CCDC150: variants seen among roughly 807,000 people sequenced by gnomAD.
The protein encoded by CCDC150 is coiled-coil domain containing 150, also known as coiled-coil domain-containing protein 150.
In CCDC150, 151 loss-of-function variants were observed where a neutral mutation model predicts 156.5. That is an observed-to-expected ratio of 0.97 (90% CI 0.85 to 1.10). The LOEUF (loss-of-function observed/expected upper bound fraction) is 1.10, where lower values mean the gene tolerates loss of function less well. CCDC150 is among the 50% of genes least tolerant of loss of function. The pLI is 0.00. For synonymous variants in CCDC150, 452 were observed against 429.4 expected, an observed-to-expected ratio of 1.05 and a Z score of -0.65; for missense variants, 1,312 against 1,268.1, an observed-to-expected ratio of 1.03 and a Z score of -0.53.
At chr2:196,715,919 C>G (rs1697465882) in intron 17 of CCDC150, among the ~76,000 whole-genome samples, 1 of 152,136 alleles carries the variant, frequency 6.6e-6, no homozygotes, top group South Asian at 2.1e-4. Flanking sequence ...AATGAAGAGA[C>G]AAGCTACAGA....
At chr2:196,675,374 C>G (rs1242454404) in intron 10 of CCDC150, among the ~76,000 whole-genome samples, 1 of 151,984 alleles carries the variant, frequency 6.6e-6, no homozygotes, top group Non-Finnish European at 1.5e-5. Flanking sequence ...ATATTTATTA[C>G]AAATATTTCA....
chr2:196,721,505 A>T lies in CCDC150; in HGVS notation c.2260-17A>T, dbSNP rs1479132841. ...TGTCCATTACAGTGGAATTGAAAAC[A>T]TGCTTCTCTCTTTCAGATTGAATCT... On this transcript the variant is annotated splice_polypyrimidine_tract_variant and intron_variant, in intron 20 of 27. Coordinates refer to ENST00000389175, the MANE Select transcript of CCDC150 (RefSeq NM_001080539.2). 8 of 1,582,502 alleles carry T rather than the reference A, an allele frequency of 5.1e-6. No individual in the cohort carries two copies. The African/African-American group carries it at 8.1e-5, about 16-fold the overall frequency.
chr2:196,687,393 G>T (rs1016874316), intron 13 of CCDC150, among the ~76,000 whole-genome samples: 1 of 152,182 alleles, frequency 6.6e-6, no homozygotes, highest in South Asian at 2.1e-4. Flanking sequence ...TTCTTCATAT[G>T]ATTCTTGGCC....
intron 13 of CCDC150, among the ~76,000 whole-genome samples, chr2:196,694,407 C>G (rs1323751341): frequency 6.6e-6 from 1 of 151,854 alleles, no homozygotes. Context: ...TAAGTAAATA[C>G]CAGAAGGACT....
chr2:196,721,774 A>C (rs1281564672), intron 21 of CCDC150, 83 bp downstream of exon 21: 3 of 1,132,874 alleles, frequency 2.6e-6, no homozygotes, highest in African/African-American at 1.6e-5. Flanking sequence ...TCATTCGCAT[A>C]AATCAGTTAA....
intron 14 of CCDC150, among the ~76,000 whole-genome samples, chr2:196,695,798 G>A (rs1410676910): frequency 1.4e-5 from 2 of 145,250 alleles, no homozygotes; most frequent in East Asian, 4.0e-4. Flanking sequence ...GCGACAGAGC[G>A]AGATTCCGTC....
chr2:196,685,122 T>C (rs1011606557), intron 13 of CCDC150, among the ~76,000 whole-genome samples: 3 of 152,150 alleles, frequency 2.0e-5, no homozygotes. Flanking sequence ...TTCCTCTATT[T>C]CTCAATTAGT....
intron 5 of CCDC150, among the ~76,000 whole-genome samples, chr2:196,659,479 T>C (rs376977732): frequency 6.6e-6 from 1 of 152,176 alleles, no homozygotes; most frequent in African/African-American, 2.4e-5. Flanking sequence ...TAATACAAAA[T>C]AGAGAAGTAG....
intron 27 of CCDC150, 136 bp downstream of exon 27, chr2:196,732,288 A>C: frequency 2.5e-6 from 3 of 1,187,970 alleles, no homozygotes; most frequent in Non-Finnish European, 3.6e-6. Context: ...TAGGAAACCA[A>C]TTAATTTCTT....
chr2:196,725,012 C>A (rs982513691), intron 21 of CCDC150, among the ~76,000 whole-genome samples: 1 of 152,152 alleles, frequency 6.6e-6, no homozygotes, highest in African/African-American at 2.4e-5. Context: ...GCAGTTACCA[C>A]CTGCAAGTCT....
At chr2:196,684,212 T>C (rs1354059885) in intron 13 of CCDC150, among the ~76,000 whole-genome samples, 1 of 152,180 alleles carries the variant, frequency 6.6e-6, no homozygotes, top group East Asian at 1.9e-4. Context: ...CTCTCTGCAC[T>C]GCTTTAGCTG....
At position 196,668,165 on chromosome 2, in the gene CCDC150, G is replaced by A. The variant is rs575081656; in HGVS notation, c.892+1317G>A. ...TACAAAAAATTAGCCAAGTGTGGTG[G>A]CACGCGCCTGTAGTCCCAGCTACTT... On this transcript the variant is annotated intron_variant, in intron 7 of 27. Transcript: ENST00000389175. 5.5e-4 allele frequency among the ~76,000 whole-genome samples: 84 copies of A among 152,160 alleles called. 1 individual carries two copies. The highest frequency in any genetic ancestry group is 1.9e-3 in the African/African-American group (78 of 41,532).
intron 13 of CCDC150, among the ~76,000 whole-genome samples, chr2:196,689,060 T>G (rs950278898): frequency 6.6e-6 from 1 of 152,168 alleles, no homozygotes; most frequent in Non-Finnish European, 1.5e-5. Context: ...GTTGTAGATA[T>G]GCGGCGTTAT....
At chr2:196,706,989 C>T (rs1391774932) in intron 15 of CCDC150, among the ~76,000 whole-genome samples, 2 of 152,182 alleles carry the variant, frequency 1.3e-5, no homozygotes, top group Non-Finnish European at 2.9e-5. Flanking sequence ...TGTTGTGTCT[C>T]TGCCAGGCTT....
intron 17 of CCDC150, among the ~76,000 whole-genome samples, chr2:196,714,611 T>C (rs1311899890): frequency 6.6e-6 from 1 of 152,186 alleles, no homozygotes; most frequent in Non-Finnish European, 1.5e-5. Context: ...GATCCAGCTT[T>C]GGGAAGTCAG....
At chr2:196,665,460 CTGTT>C (rs1575784245) in intron 5 of CCDC150, 103 bp from the exon 6 acceptor site, 2 of 553,858 alleles carry the variant, frequency 3.6e-6, no homozygotes, top group South Asian at 5.3e-5. Context: ...TGAATTAAGA[CTGTT>C]TGGGGGTGAG....
At chr2:196,726,725 A>G (rs558616554) in intron 22 of CCDC150, 2 of 152,660 alleles carry the variant, frequency 1.3e-5, no homozygotes, top group East Asian at 3.9e-4. Context: ...GGCCATGCTT[A>G]CTTACAAAAA....
rs925574661 is a variant in CCDC150 at position 196,642,357 on chromosome 2, C to T, written c.12+2579C>T. Reference sequence around the variant, plus strand: ...TGCCAAGTGGCCATTGGAGAGTGTGCGTGTATTTATGTATGTAGGGGTGTG... The same window carrying T: ...TGCCAAGTGGCCATTGGAGAGTGTGTGTGTATTTATGTATGTAGGGGTGTG... On this transcript the variant is annotated intron_variant, in intron 1 of 27. Coordinates refer to ENST00000389175, the MANE Select transcript of CCDC150 (RefSeq NM_001080539.2). Among the ~76,000 whole-genome samples, 8 of 152,052 alleles carry T rather than the reference C, an allele frequency of 5.3e-5. No homozygotes were observed. The East Asian group carries it at 7.7e-4, about 15-fold the overall frequency.
At chr2:196,690,159 G>A (rs1450745037) in intron 13 of CCDC150, among the ~76,000 whole-genome samples, 1 of 151,832 alleles carries the variant, frequency 6.6e-6, no homozygotes, top group Non-Finnish European at 1.5e-5. Flanking sequence ...CTCACTCATA[G>A]GTGGGAATTG....
Sources: allele counts gnomAD v4.1 joint callset (sites outside exome capture counted in the v4.1 genomes callset), GRCh38; gene constraint gnomAD v4.1.1; transcripts MANE v1.5; gene names NCBI Gene and HGNC (gene_info 2026-07-23, HGNC 2026-07-21).